WNT11: variants seen among roughly 807,000 people sequenced by gnomAD.
The protein encoded by WNT11 is protein Wnt-11.
WNT11 carries 20 observed loss-of-function variants against 35.6 expected under a neutral mutation model. The ratio of observed to expected loss-of-function variants is 0.56; its 90% CI spans 0.40 to 0.82. The LOEUF (loss-of-function observed/expected upper bound fraction) is 0.82. WNT11 is among the 40% of genes least tolerant of loss of function. WNT11 has a pLI of 0.00. For missense variants in WNT11, 459 were observed against 504.4 expected, an observed-to-expected ratio of 0.91 and a Z score of 0.86; for synonymous variants, 200 against 211.9, an observed-to-expected ratio of 0.94 and a Z score of 0.49.
At chr11:76,196,851 C>A in intron 1 of WNT11, 133 bp from the exon 2 acceptor site, 1 of 1,012,708 alleles carries the variant, frequency 9.9e-7, no homozygotes, top group Non-Finnish European at 1.4e-6. Flanking sequence ...TGGCTCCTTC[C>A]AAAAAAGGCT....
chr11:76,207,910 G>GTCAGAC (rs1193361407), upstream of WNT11, among the ~76,000 whole-genome samples: 130 of 152,372 alleles, frequency 8.5e-4, 1 homozygote, highest in African/African-American at 3.0e-3. Flanking sequence ...TTCGCCCGGA[G>GTCAGAC]TCAGACACAG....
chr11:76,206,358 A>G lies in WNT11; in HGVS notation c.50T>C (p.Leu17Pro). 1.3e-6 allele frequency: 2 copies of G among 1,572,248 alleles called. No individual in the cohort carries two copies. The highest frequency in any genetic ancestry group is 1.2e-5 in the South Asian group (1 of 84,988). Residue 17 changes from leucine to proline, a missense_variant, in exon 1 of 5, where the codon CTC becomes CCC. Coordinates refer to ENST00000322563, the MANE Select transcript of WNT11 (RefSeq NM_004626.3). ...VCEALLFALA[L>P]QTGVCYGIKW... ...GATGCCATAGCACACGCCGGTCTGG[A>G]GCGCCAGGGCGAAGAGCAGCGCCTC...
At position 76,191,589 on chromosome 11, in the gene WNT11, C is replaced by T. The variant is rs368098788; in HGVS notation, c.865G>A (p.Val289Met). Reference protein sequence around the residue: ...SPDFCMKNEKVGSHGTQDRQC... With the variant: ...SPDFCMKNEKMGSHGTQDRQC... ...CTGTCTTGTGTCCCGTGGGAGCCCA[C>T]CTTCTCATTCTTCATGCAGAAGTCA... is the stretch of plus-strand genomic sequence containing the variant. Residue 289 changes from valine to methionine, a missense_variant, in exon 4 of 5, where the codon GTG (valine) becomes ATG (methionine). Coordinates refer to ENST00000322563, the MANE Select transcript of WNT11 (RefSeq NM_004626.3). 64 of 1,611,660 alleles carry T rather than the reference C, an allele frequency of 4.0e-5. No homozygotes were observed. Among genetic ancestry groups the T allele is most frequent in the Non-Finnish European group, 4.9e-5 (58 of 1,178,218 alleles).
rs986389990 is a variant in WNT11 at position 76,195,924 on chromosome 11, T to C, written c.319+559A>G. 1.2e-4 allele frequency among the ~76,000 whole-genome samples: 18 copies of C among 152,128 alleles called. 1 individual carries two copies. Among genetic ancestry groups the C allele is most frequent in the Admixed American group, 7.9e-4 (12 of 15,276 alleles). On this transcript the variant is annotated intron_variant, in intron 2 of 4. Transcript: ENST00000322563. Reference sequence around the variant, plus strand: ...GAGATTACACCTACTGGGGCGCTTCTGTCTGTCAAAAGCCTCCCTATTGTA... The same window carrying C: ...GAGATTACACCTACTGGGGCGCTTCCGTCTGTCAAAAGCCTCCCTATTGTA...
intron 1 of WNT11, among the ~76,000 whole-genome samples, chr11:76,201,942 C>T (rs148143852): frequency 6.6e-6 from 1 of 152,332 alleles, no homozygotes; most frequent in African/African-American, 2.4e-5. Context: ...TGGACCTGCA[C>T]TTCACAGCAT....
chr11:76,206,573 A>C, upstream of WNT11: 6 of 1,179,068 alleles, frequency 5.1e-6, no homozygotes, highest in Non-Finnish European at 4.2e-6. Context: ...CAAATTACAA[A>C]GGAGGGGTCG....
upstream of WNT11, among the ~76,000 whole-genome samples, chr11:76,207,234 G>A (rs1172242868): frequency 6.6e-6 from 1 of 152,110 alleles, no homozygotes; most frequent in East Asian, 1.9e-4. Flanking sequence ...GTGGTGGCGG[G>A]CGCCTGTAAT....
intron 1 of WNT11, among the ~76,000 whole-genome samples, chr11:76,202,178 C>T (rs2134597405): frequency 6.6e-6 from 1 of 152,276 alleles, no homozygotes; most frequent in African/African-American, 2.4e-5. Flanking sequence ...TCAGCGCCAC[C>T]CAGAATGTAG....
upstream of WNT11, chr11:76,206,659 C>G (rs560362281): frequency 1.1e-3 from 817 of 747,562 alleles, 2 homozygotes; most frequent in Middle Eastern, 8.1e-3. Flanking sequence ...GCGCCTGGCT[C>G]GAATTAGGCG....
upstream of WNT11, among the ~76,000 whole-genome samples, chr11:76,206,709 A>G (rs1953481709): frequency 6.6e-6 from 1 of 152,186 alleles, no homozygotes; most frequent in African/African-American, 2.4e-5. Flanking sequence ...CCGGGCCCCA[A>G]CGCGCCTTCG....
At chr11:76,197,080 A>C (rs1303821788) in intron 1 of WNT11, among the ~76,000 whole-genome samples, 2 of 152,242 alleles carry the variant, frequency 1.3e-5, no homozygotes, top group Non-Finnish European at 2.9e-5. Flanking sequence ...GTGAATTATT[A>C]GTCTTTATTC....
intron 4 of WNT11, 95 bp from the exon 5 acceptor site, chr11:76,187,334 A>G (rs1953113248): frequency 8.1e-7 from 1 of 1,234,434 alleles, no homozygotes; most frequent in Non-Finnish European, 1.1e-6. Flanking sequence ...AGCGTCTCCC[A>G]TGGCCACCGA....
intron 1 of WNT11, among the ~76,000 whole-genome samples, chr11:76,197,762 C>G (rs901128844): frequency 2.0e-5 from 3 of 152,082 alleles, no homozygotes; most frequent in Non-Finnish European, 4.4e-5. Flanking sequence ...GCTCTGGGCA[C>G]CTGGGTTCCA....
chr11:76,190,299 C>G (rs1448164657), intron 4 of WNT11, among the ~76,000 whole-genome samples: 1 of 152,140 alleles, frequency 6.6e-6, no homozygotes, highest in Non-Finnish European at 1.5e-5. Flanking sequence ...CCTCCGTGGG[C>G]CTCCTGCAGC....
intron 1 of WNT11, among the ~76,000 whole-genome samples, chr11:76,198,358 C>A (rs962203100): frequency 1.3e-5 from 2 of 152,202 alleles, no homozygotes; most frequent in East Asian, 3.8e-4. Context: ...CTGTGGGCAG[C>A]CTCCCTGGAC....
chr11:76,190,235 G>C (rs564562265), intron 4 of WNT11, among the ~76,000 whole-genome samples: 1 of 152,218 alleles, frequency 6.6e-6, no homozygotes, highest in East Asian at 1.9e-4. Flanking sequence ...TGCCCTCCCT[G>C]ACACACACAG....
At chr11:76,206,260 C>A in intron 1 of WNT11, 65 bp downstream of exon 1, 1 of 1,347,924 alleles carries the variant, frequency 7.4e-7, no homozygotes, top group Non-Finnish European at 9.7e-7. Flanking sequence ...ATCCAGGGGA[C>A]CCCAAAACGC....
chr11:76,191,545 A>C lies in WNT11; in HGVS notation c.890+19T>G, dbSNP rs749482841. ...CAACACCAGTGACCCTTTCCCACCAAGGTGGCAGCAGGCCTCACCTGTCTT... is the reference window on the plus strand; with the variant it reads ...CAACACCAGTGACCCTTTCCCACCACGGTGGCAGCAGGCCTCACCTGTCTT... On this transcript the variant is annotated intron_variant, in intron 4 of 4. Transcript: ENST00000322563. 28 of 1,601,320 alleles carry C rather than the reference A, an allele frequency of 1.7e-5. 1 individual carries two copies. In the South Asian group the frequency reaches 3.0e-4, roughly 17 times the overall value.
chr11:76,187,723 A>G (rs1352583766), intron 4 of WNT11, among the ~76,000 whole-genome samples: 1 of 152,134 alleles, frequency 6.6e-6, no homozygotes, highest in Non-Finnish European at 1.5e-5. Flanking sequence ...GGCTCAAGCA[A>G]TCCTCCCACC....
Sources: gnomAD v4.1 joint callset for allele counts (sites outside exome capture counted in the v4.1 genomes callset) on GRCh38, gnomAD v4.1.1 for gene constraint, MANE v1.5 for transcripts, NCBI Gene and HGNC (gene_info 2026-07-23, HGNC 2026-07-21) for gene names.